The following CA10 variants were observed in gnomAD, a reference collection of about 807,000 sequenced individuals.
CA10 encodes carbonic anhydrase 10 (inactive), also known as carbonic anhydrase-related protein 10.
Under a neutral mutation model 44.2 loss-of-function variants are expected in CA10, and 14 were observed. The ratio of observed to expected loss-of-function variants is 0.32; its 90% confidence interval spans 0.21 to 0.50. The LOEUF (loss-of-function observed/expected upper bound fraction) is 0.50, where lower values mean the gene tolerates loss of function less well. CA10 is among the 20% of genes least tolerant of loss of function. The pLI, the probability that CA10 is intolerant of heterozygous loss-of-function variation, is 0.99. For missense variants in CA10, 350 were observed against 409.7 expected, an observed-to-expected ratio of 0.85 and a Z score of 1.26; for synonymous variants, 159 against 141.6, an observed-to-expected ratio of 1.12 and a Z score of -0.87.
At chr17:51,950,257 CT>C (rs1983430859) in intron 2 of CA10, among the ~76,000 whole-genome samples, 1 of 152,116 alleles carries the variant, frequency 6.6e-6, no homozygotes, top group Non-Finnish European at 1.5e-5. Context: ...ACCTCTGACC[CT>C]CTGTCTCCTC....
At chr17:51,811,905 T>C (rs1208375156) in intron 3 of CA10, among the ~76,000 whole-genome samples, 1 of 152,186 alleles carries the variant, frequency 6.6e-6, no homozygotes, top group Non-Finnish European at 1.5e-5. Flanking sequence ...CAGCACACAG[T>C]CCAGAGTGAA....
intron 2 of CA10, among the ~76,000 whole-genome samples, chr17:51,984,156 T>A (rs952609988): frequency 2.6e-5 from 4 of 151,698 alleles, no homozygotes; most frequent in African/African-American, 9.7e-5. Context: ...TCTATAATTC[T>A]CTATACAATC....
rs574723402 is a variant in CA10, at chr17:51,783,498, G to A, written c.280-35680C>T. On this transcript the variant is annotated intron_variant, in intron 3 of 8. Coordinates refer to ENST00000451037, the MANE Select transcript of CA10 (RefSeq NM_020178.5). ...AAGGTCAAGTCGCTTTCCCATTATT[G>A]CTGATTAATGTTGGAGTTGGAATTC... Among the ~76,000 whole-genome samples, 7 of 152,216 alleles carry A rather than the reference G, an allele frequency of 4.6e-5. No individual in the cohort carries two copies. In the South Asian group the frequency reaches 1.5e-3, roughly 32 times the overall value.
chr17:51,889,456 C>T (rs1184832008), intron 3 of CA10, among the ~76,000 whole-genome samples: 1 of 152,006 alleles, frequency 6.6e-6, no homozygotes, highest in Admixed American at 6.6e-5. Context: ...CCTGGGAGGT[C>T]GAGGCTGCAG....
chr17:51,737,961 G>A (rs745803149), intron 4 of CA10, among the ~76,000 whole-genome samples: 1 of 152,126 alleles, frequency 6.6e-6, no homozygotes, highest in Admixed American at 6.5e-5. Flanking sequence ...GGCTGCTTCG[G>A]CTAAATATTT....
intron 3 of CA10, among the ~76,000 whole-genome samples, chr17:51,866,409 G>A (rs577019097): frequency 6.6e-6 from 1 of 152,308 alleles, no homozygotes; most frequent in South Asian, 2.1e-4. Flanking sequence ...TTTCTTGGCA[G>A]CTAGTTTTTA....
At chr17:52,005,781 T>A (rs892475462) in intron 2 of CA10, among the ~76,000 whole-genome samples, 3 of 151,918 alleles carry the variant, frequency 2.0e-5, no homozygotes, top group African/African-American at 7.2e-5. Context: ...CTTGGCTCTA[T>A]TGACTTATAA....
At chr17:52,052,298 TTA>T (rs1491161898) in intron 2 of CA10, among the ~76,000 whole-genome samples, 125 of 9,754 alleles carry the variant, frequency 0.013, no homozygotes, top group Middle Eastern at 0.071. Context: ...GCTTTTTTTT[TTA>T]AAAAAAAAAA....
At chr17:51,953,160 T>G (rs1170224826) in intron 2 of CA10, among the ~76,000 whole-genome samples, 1 of 152,200 alleles carries the variant, frequency 6.6e-6, no homozygotes, top group African/African-American at 2.4e-5. Context: ...AGTACCAGTT[T>G]GTTTTTACAT....
At chr17:52,150,104 T>C (rs1324853476) in intron 1 of CA10, among the ~76,000 whole-genome samples, 2 of 152,212 alleles carry the variant, frequency 1.3e-5, no homozygotes, top group South Asian at 2.1e-4. Flanking sequence ...GAATTAATCA[T>C]GTCCTATGTC....
intron 2 of CA10, among the ~76,000 whole-genome samples, chr17:52,051,307 A>C (rs1363018459): frequency 6.6e-6 from 1 of 152,106 alleles, no homozygotes; most frequent in African/African-American, 2.4e-5. Context: ...ATGGGATCTA[A>C]TTAAACTAAA....
intron 1 of CA10, among the ~76,000 whole-genome samples, chr17:52,085,981 A>C (rs1204882891): frequency 6.6e-6 from 1 of 152,206 alleles, no homozygotes; most frequent in Non-Finnish European, 1.5e-5. Context: ...ATAATCTCTG[A>C]AGTTTCTTAC....
chr17:51,704,458 A>G (rs1389734890), intron 4 of CA10, among the ~76,000 whole-genome samples: 1 of 152,160 alleles, frequency 6.6e-6, no homozygotes, highest in African/African-American at 2.4e-5. Flanking sequence ...CACATTTTTC[A>G]TCCGTAAAAT....
chr17:51,698,112 C>T (rs1180084433), intron 4 of CA10, among the ~76,000 whole-genome samples: 4 of 152,216 alleles, frequency 2.6e-5, no homozygotes, highest in South Asian at 4.1e-4. Context: ...TCCTGCCTCC[C>T]TGCTGGGTCC....
At chr17:51,738,756 G>A (rs1904338221) in intron 4 of CA10, among the ~76,000 whole-genome samples, 2 of 152,206 alleles carry the variant, frequency 1.3e-5, no homozygotes, top group South Asian at 2.1e-4. Context: ...TGCAGGAAAT[G>A]TGATTCTCAG....
intron 2 of CA10, among the ~76,000 whole-genome samples, chr17:51,968,866 C>T (rs1191217412): frequency 6.6e-6 from 1 of 151,860 alleles, no homozygotes; most frequent in Non-Finnish European, 1.5e-5. Context: ...TAAATATTTA[C>T]CTTGAAAACA....
At chr17:51,852,352 GA>G (rs1396351429) in intron 3 of CA10, among the ~76,000 whole-genome samples, 4 of 152,120 alleles carry the variant, frequency 2.6e-5, no homozygotes, top group African/African-American at 9.7e-5. Context: ...AATTGCCAGA[GA>G]AACTGCAGAC....
At chr17:52,099,035 T>G (rs1050461507) in intron 1 of CA10, among the ~76,000 whole-genome samples, 1 of 152,192 alleles carries the variant, frequency 6.6e-6, no homozygotes, top group Non-Finnish European at 1.5e-5. Context: ...GGTGGTGTTA[T>G]GCTGAAAATA....
chr17:51,648,914 G>A (rs1382541016), intron 6 of CA10, among the ~76,000 whole-genome samples: 1 of 152,030 alleles, frequency 6.6e-6, no homozygotes, highest in African/African-American at 2.4e-5. Context: ...AGAGTCCCCT[G>A]GCTCATTACC....
Sources: allele counts gnomAD v4.1 joint callset (sites outside exome capture counted in the v4.1 genomes callset), GRCh38; gene constraint gnomAD v4.1.1; transcripts MANE v1.5; gene names NCBI Gene and HGNC (gene_info 2026-07-23, HGNC 2026-07-21).